SHC3: variants seen among roughly 807,000 people sequenced by gnomAD.
The protein encoded by SHC3 is SHC-transforming protein 3.
Under a neutral mutation model 60.4 loss-of-function variants are expected in SHC3, and 15 were observed. The observed-to-expected ratio is 0.25, with a 90% CI of 0.17 to 0.38. The LOEUF is 0.38. Among genes scored for constraint, SHC3 ranks in the 10% least tolerant of loss-of-function variants. The probability of loss-of-function intolerance (pLI) is 1.00; values close to 1 mark genes in which losing one functional copy is unlikely to be tolerated. For missense variants in SHC3, 677 were observed against 786.1 expected, an observed-to-expected ratio of 0.86 and a Z score of 1.66; for synonymous variants, 294 against 325.9, an observed-to-expected ratio of 0.90 and a Z score of 1.05.
At chr9:89,060,812 G>C (rs1245573108) in intron 6 of SHC3, among the ~76,000 whole-genome samples, 1 of 152,054 alleles carries the variant, frequency 6.6e-6, no homozygotes, top group East Asian at 1.9e-4. Context: ...GCCTGTCAGG[G>C]GGCAGCAGGG....
At chr9:89,138,550 A>G (rs1050032211) in intron 1 of SHC3, among the ~76,000 whole-genome samples, 1 of 152,158 alleles carries the variant, frequency 6.6e-6, no homozygotes. Context: ...AATCTGTTTT[A>G]TCAGCAAGGT....
intron 1 of SHC3, among the ~76,000 whole-genome samples, chr9:89,135,035 C>T (rs943246765): frequency 2.0e-5 from 3 of 152,070 alleles, no homozygotes; most frequent in Admixed American, 1.3e-4. Context: ...TGTGATTTCT[C>T]CAGAATTTAG....
rs186747561 is a variant in SHC3 at position 89,043,866 on chromosome 9, C to T, written c.1202-1682G>A. On this transcript the variant is annotated intron_variant, in intron 9 of 11. Transcript: ENST00000375835. ...ACGAGGTTTCACCATGTTGGCCAGG[C>T]TGGCATCGAACTCCTGACCTCAGAT... Among the ~76,000 whole-genome samples, 951 of 152,172 alleles carry T rather than the reference C, an allele frequency of 6.2e-3. 7 individuals carry two copies. The highest frequency in any genetic ancestry group is 0.021 in the African/African-American group (869 of 41,508).
At chr9:89,068,700 A>G (rs560253272) in intron 5 of SHC3, among the ~76,000 whole-genome samples, 2 of 126,626 alleles carry the variant, frequency 1.6e-5, no homozygotes, top group South Asian at 2.4e-4. Context: ...AGGAAATCTG[A>G]AAAAAAAAAT....
chr9:89,058,665 G>A (rs1372136744), intron 6 of SHC3, among the ~76,000 whole-genome samples: 3 of 150,392 alleles, frequency 2.0e-5, no homozygotes, highest in Non-Finnish European at 4.4e-5. Context: ...ATGTGGTGGA[G>A]GATGGTGGTG....
intron 9 of SHC3, among the ~76,000 whole-genome samples, chr9:89,045,279 C>CTTTT (rs35967148): frequency 8.2e-6 from 1 of 122,274 alleles, no homozygotes; most frequent in African/African-American, 3.3e-5. Context: ...AACACTGTTG[C>CTTTT]TTTTTTTTTT....
intron 7 of SHC3, among the ~76,000 whole-genome samples, chr9:89,050,942 G>A (rs1423333926): frequency 6.7e-6 from 1 of 150,080 alleles, no homozygotes; most frequent in Admixed American, 6.6e-5. Context: ...AGGGAGAATT[G>A]AATTCTAGCA....
chr9:89,070,428 G>A lies in SHC3; in HGVS notation c.783+771C>T, dbSNP rs564812781. On this transcript the variant is annotated intron_variant, in intron 5 of 11. Coordinates refer to ENST00000375835, the MANE Select transcript of SHC3 (RefSeq NM_016848.6). ...CAATTTCCTGCCTGGTTTCTTTGCAGGCCCAGGCTGTCCACAGTGAGCAGC... is the reference window on the plus strand; with the variant it reads ...CAATTTCCTGCCTGGTTTCTTTGCAAGCCCAGGCTGTCCACAGTGAGCAGC... 5.9e-5 allele frequency among the ~76,000 whole-genome samples: 9 copies of A among 152,294 alleles called. No homozygotes were observed. The South Asian group carries it at 6.2e-4, about 11-fold the overall frequency.
chr9:89,067,947 A>C (rs959757275), intron 5 of SHC3, among the ~76,000 whole-genome samples: 2 of 152,194 alleles, frequency 1.3e-5, no homozygotes, highest in Admixed American at 6.5e-5. Flanking sequence ...TAATGAATAC[A>C]AGGAATATAT....
chr9:89,049,974 TA>T (rs1428770059), intron 7 of SHC3, among the ~76,000 whole-genome samples: 2 of 151,850 alleles, frequency 1.3e-5, no homozygotes, highest in African/African-American at 4.8e-5. Context: ...ATTGCTCAAT[TA>T]AACTCCTTTA....
intron 1 of SHC3, among the ~76,000 whole-genome samples, chr9:89,159,217 G>A (rs1826669410): frequency 6.6e-6 from 1 of 152,196 alleles, no homozygotes; most frequent in Non-Finnish European, 1.5e-5. Flanking sequence ...ATGAACTAAA[G>A]ACCAAATTAT....
At chr9:89,035,858 T>G (rs1824567966) in intron 11 of SHC3, among the ~76,000 whole-genome samples, 5 of 88,718 alleles carry the variant, frequency 5.6e-5, no homozygotes, top group African/African-American at 2.6e-4. Flanking sequence ...TAGATGTGTG[T>G]GTGTGTGTGT....
rs372898972 is a variant in SHC3, at chr9:89,035,852, T to TATATATATATATATATA, written c.1656+2140_1656+2141insTATATATATATATATAT. On this transcript the variant is annotated intron_variant, in intron 11 of 11. Coordinates refer to ENST00000375835, the MANE Select transcript of SHC3 (RefSeq NM_016848.6). ...CAAAATATATATATATATATATAGA[T>TATATATATATATATATA]GTGTGTGTGTGTGTGTGTGTGTGTG... is the stretch of plus-strand genomic sequence containing the variant. Among the ~76,000 whole-genome samples, 6 of 82,108 alleles carry TATATATATATATATATA rather than the reference T, an allele frequency of 7.3e-5. No individual in the cohort carries two copies. In the South Asian group the frequency reaches 1.5e-3, roughly 21 times the overall value. 53.9% of individuals were successfully genotyped at this position (82,108 alleles called of 152,430 possible).
intron 11 of SHC3, among the ~76,000 whole-genome samples, chr9:89,017,896 C>G (rs1826122841): frequency 6.6e-6 from 1 of 152,300 alleles, no homozygotes; most frequent in Admixed American, 6.5e-5. Flanking sequence ...TGAAAAGAAG[C>G]TCATCATCAG....
chr9:89,118,223 T>A (rs1345236170), intron 1 of SHC3, among the ~76,000 whole-genome samples: 1 of 150,150 alleles, frequency 6.7e-6, no homozygotes, highest in Non-Finnish European at 1.5e-5. Context: ...TCTACCTATT[T>A]TTTTTTTTTT....
chr9:89,138,254 C>T (rs2118184923), intron 1 of SHC3, among the ~76,000 whole-genome samples: 1 of 152,332 alleles, frequency 6.6e-6, no homozygotes, highest in Admixed American at 6.5e-5. Context: ...TACGTGAAAG[C>T]AAATTTATTA....
At chr9:89,134,601 C>T (rs535729709) in intron 1 of SHC3, among the ~76,000 whole-genome samples, 3 of 152,108 alleles carry the variant, frequency 2.0e-5, no homozygotes, top group African/African-American at 7.2e-5. Context: ...CCAAAATTTC[C>T]TTGTCAATTG....
intron 6 of SHC3, among the ~76,000 whole-genome samples, chr9:89,058,860 G>T (rs1298486930): frequency 7.3e-6 from 1 of 137,510 alleles, no homozygotes; most frequent in African/African-American, 2.8e-5. Flanking sequence ...GTTAGGACGT[G>T]GTGGAGGACG....
intron 6 of SHC3, among the ~76,000 whole-genome samples, chr9:89,061,914 T>C (rs1587704817): frequency 2.0e-5 from 3 of 152,290 alleles, no homozygotes; most frequent in East Asian, 1.9e-4. Flanking sequence ...TTTGGTGCTA[T>C]TTGTGGTTCC....
Sources: allele counts gnomAD v4.1 joint callset (sites outside exome capture counted in the v4.1 genomes callset), GRCh38; gene constraint gnomAD v4.1.1; transcripts MANE v1.5; gene names NCBI Gene and HGNC (gene_info 2026-07-23, HGNC 2026-07-21).